Variants in NBEA observed in about 807,000 individuals in gnomAD.
NBEA encodes neurobeachin, also known as lysosomal-trafficking regulator 2.
A neutral mutation model predicts 343.4 loss-of-function variants in NBEA; 44 were observed. The ratio of observed to expected loss-of-function variants is 0.13; its 90% CI spans 0.10 to 0.16. NBEA has a LOEUF of 0.16. Ranked by LOEUF, NBEA falls within the 10% of genes least tolerant of loss-of-function variation. The pLI, the probability that NBEA is intolerant of heterozygous loss-of-function variation, is 1.00. For missense variants in NBEA, 2,555 were observed against 3,631.3 expected (o/e 0.70, Z 7.62); for synonymous variants, 1,175 against 1,238.7 (o/e 0.95, Z 1.08).
chr13:35,033,402 C>T (rs181579659), intron 1 of NBEA, among the ~76,000 whole-genome samples: 1 of 152,052 alleles, frequency 6.6e-6, no homozygotes, highest in African/African-American at 2.4e-5. Flanking sequence ...GTTTTGGTTA[C>T]TATAGCTCTG....
Position 35,235,279 on chromosome 13 carries a change from CAT to C in NBEA, c.5776+2661_5776+2662del, listed in dbSNP as rs200890468. 5.1e-3 allele frequency among the ~76,000 whole-genome samples: 779 copies of C among 152,158 alleles called. 10 individuals carry two copies. The highest frequency in any genetic ancestry group is 0.018 in the African/African-American group (736 of 41,538). On this transcript the variant is annotated intron_variant, in intron 34 of 58. Coordinates refer to ENST00000379939, the MANE Select transcript of NBEA (RefSeq NM_001385012.1). ...TTTTTATTTTCATGCTTTTCTGTAACATGTGTTACTTTATTAAAATAAAGAAG... is the reference window on the plus strand; with the variant it reads ...TTTTTATTTTCATGCTTTTCTGTAACGTGTTACTTTATTAAAATAAAGAAG...
At position 35,272,969 on chromosome 13, in the gene NBEA, C is replaced by T. The variant is rs141344682; in HGVS notation, c.5777-17420C>T. On this transcript the variant is annotated intron_variant, in intron 34 of 58. Coordinates refer to ENST00000379939, the MANE Select transcript of NBEA (RefSeq NM_001385012.1). Reference sequence around the variant, plus strand: ...TGAGACCAAAGGTTAACAAGGATATCCAGAACTTGAACTCAGCTCTGCACC... The same window carrying T: ...TGAGACCAAAGGTTAACAAGGATATTCAGAACTTGAACTCAGCTCTGCACC... 3.0e-3 allele frequency among the ~76,000 whole-genome samples: 463 copies of T among 152,200 alleles called. 2 individuals carry two copies. The highest frequency in any genetic ancestry group is 4.5e-3 in the Non-Finnish European group (307 of 68,004).
chr13:34,983,559 A>G (rs2152508913), intron 1 of NBEA, among the ~76,000 whole-genome samples: 1 of 152,294 alleles, frequency 6.6e-6, no homozygotes, highest in Middle Eastern at 3.4e-3. Context: ...GCTGGGTCAA[A>G]TGATATTTCT....
chr13:35,184,665 A>G (rs576494130), intron 30 of NBEA, among the ~76,000 whole-genome samples: 55 of 152,256 alleles, frequency 3.6e-4, no homozygotes, highest in African/African-American at 1.2e-3. Flanking sequence ...CGGACATTAT[A>G]GAAGCCATTA....
intron 8 of NBEA, among the ~76,000 whole-genome samples, chr13:35,066,380 A>G (rs1159450780): frequency 2.0e-5 from 3 of 152,238 alleles, no homozygotes; most frequent in African/African-American, 4.8e-5. Flanking sequence ...TTATGAATGG[A>G]AAGTTGAGTA....
intron 44 of NBEA, among the ~76,000 whole-genome samples, chr13:35,565,845 T>A (rs1468577981): frequency 6.6e-6 from 1 of 152,052 alleles, no homozygotes; most frequent in Non-Finnish European, 1.5e-5. Flanking sequence ...CACCCTAAGA[T>A]CGAGCAGTTC....
intron 17 of NBEA, among the ~76,000 whole-genome samples, chr13:35,138,971 G>T (rs192164339): frequency 6.6e-6 from 1 of 151,710 alleles, no homozygotes; most frequent in Admixed American, 6.6e-5. Flanking sequence ...ATTATGTCTG[G>T]GTTGAAGAAT....
intron 1 of NBEA, among the ~76,000 whole-genome samples, chr13:34,964,404 G>A (rs1222806001): frequency 1.3e-5 from 2 of 151,908 alleles, no homozygotes; most frequent in Non-Finnish European, 2.9e-5. Context: ...GCCCCTGCCT[G>A]TCTTTCTAGT....
At chr13:35,637,384 C>T (rs907391344) in intron 49 of NBEA, among the ~76,000 whole-genome samples, 4 of 152,150 alleles carry the variant, frequency 2.6e-5, no homozygotes, top group Non-Finnish European at 5.9e-5. Flanking sequence ...CTAGGAAAAA[C>T]AATATGGCAA....
At position 35,231,747 on chromosome 13, in the gene NBEA, C is replaced by T. The variant is rs148035602; in HGVS notation, c.5649-745C>T. Among the ~76,000 whole-genome samples, 479 of 152,178 alleles carry T rather than the reference C, an allele frequency of 3.1e-3. 1 individual carries two copies. The highest frequency in any genetic ancestry group is 9.7e-3 in the South Asian group (47 of 4,822). The stretch of plus-strand genomic sequence containing the variant: ...GCCTAATGTGCCTAAGGTCACCTAG[C>T]TAGTATATGATAGAGCCAGGATTCT... On this transcript the variant is annotated intron_variant, in intron 33 of 58. Coordinates refer to ENST00000379939, the MANE Select transcript of NBEA (RefSeq NM_001385012.1).
chr13:35,474,781 T>C (rs1380998872), intron 41 of NBEA: 3 of 364,516 alleles, frequency 8.2e-6, no homozygotes, highest in African/African-American at 4.1e-5. Flanking sequence ...CTGGGCTGTT[T>C]ACGGAGTGTT....
intron 34 of NBEA, among the ~76,000 whole-genome samples, chr13:35,276,045 A>G (rs767621349): frequency 8.5e-5 from 13 of 152,134 alleles, no homozygotes; most frequent in Non-Finnish European, 1.8e-4. Flanking sequence ...TGTAGATGGC[A>G]TATCTGAACA....
intron 41 of NBEA, among the ~76,000 whole-genome samples, chr13:35,532,630 G>T (rs148808630): frequency 0.022 from 3,325 of 152,110 alleles, 37 homozygotes; most frequent in South Asian, 0.042. Flanking sequence ...GCACCTTAAA[G>T]AAAAACACGT....
At chr13:35,521,556 G>A (rs745938392) in intron 41 of NBEA, among the ~76,000 whole-genome samples, 2 of 152,194 alleles carry the variant, frequency 1.3e-5, no homozygotes, top group African/African-American at 2.4e-5. Context: ...TCTGGGCCAC[G>A]TGGTTCTTTG....
At chr13:35,160,917 C>T (rs1015061235) in intron 22 of NBEA, among the ~76,000 whole-genome samples, 3 of 152,134 alleles carry the variant, frequency 2.0e-5, no homozygotes, top group Non-Finnish European at 4.4e-5. Flanking sequence ...CCCCACTTGC[C>T]TTTTAATGTC....
chr13:35,529,563 A>G (rs1268265669), intron 41 of NBEA, among the ~76,000 whole-genome samples: 1 of 152,232 alleles, frequency 6.6e-6, no homozygotes, highest in Non-Finnish European at 1.5e-5. Flanking sequence ...CAATCAACCT[A>G]TGCATATTAC....
At chr13:35,083,193 G>C (rs1437585236) in intron 10 of NBEA, among the ~76,000 whole-genome samples, 3 of 152,124 alleles carry the variant, frequency 2.0e-5, no homozygotes, top group African/African-American at 7.2e-5. Flanking sequence ...CCCATTTCTT[G>C]TTTTTGTCAG....
chr13:34,976,282 A>G lies in NBEA; in HGVS notation c.294+33168A>G, dbSNP rs1387509806. ...AATAATGGCATTCTCAGCAACCTGGATGGACTTGCAGACTATTATTCTAAG... is the reference window on the plus strand; with the variant it reads ...AATAATGGCATTCTCAGCAACCTGGGTGGACTTGCAGACTATTATTCTAAG... On this transcript the variant is annotated intron_variant, in intron 1 of 58. Coordinates refer to ENST00000379939, the MANE Select transcript of NBEA (RefSeq NM_001385012.1). Among the ~76,000 whole-genome samples, 4 of 152,208 alleles carry G rather than the reference A, an allele frequency of 2.6e-5. No individual in the cohort carries two copies. In the East Asian group the frequency reaches 7.7e-4, roughly 29 times the overall value.
chr13:35,433,441 A>T (rs944762224), intron 39 of NBEA, among the ~76,000 whole-genome samples: 1 of 152,056 alleles, frequency 6.6e-6, no homozygotes, highest in Non-Finnish European at 1.5e-5. Flanking sequence ...CAGTTGATAA[A>T]TAGTATTATA....
Sources: gnomAD v4.1 joint callset for allele counts (sites outside exome capture counted in the v4.1 genomes callset) on GRCh38, gnomAD v4.1.1 for gene constraint, MANE v1.5 for transcripts, NCBI Gene and HGNC (gene_info 2026-07-23, HGNC 2026-07-21) for gene names.